Variants in A2ML1 observed in about 807,000 individuals in gnomAD.
A2ML1 encodes alpha-2-macroglobulin-like protein 1.
A2ML1 carries 161 observed loss-of-function variants against 181.9 expected under a neutral mutation model. The ratio of observed to expected loss-of-function variants is 0.89; its 90% CI spans 0.78 to 1.01. The LOEUF (loss-of-function observed/expected upper bound fraction) is 1.01, where lower values mean the gene tolerates loss of function less well. Among genes scored for constraint, A2ML1 ranks in the 50% least tolerant of loss-of-function variants. The pLI, the probability that A2ML1 is intolerant of heterozygous loss-of-function variation, is 0.00. For missense variants in A2ML1, 1,670 were observed against 1,768.1 expected (o/e 0.94, Z 1.00); for synonymous variants, 663 against 666.8 (o/e 0.99, Z 0.09).
At chr12:8,859,794 G>A (rs981699453) in intron 26 of A2ML1, among the ~76,000 whole-genome samples, 1 of 151,968 alleles carries the variant, frequency 6.6e-6, no homozygotes, top group Admixed American at 6.6e-5. Flanking sequence ...TTGAACTCCT[G>A]GCCTCAAGTG....
In A2ML1 at chr12:8,869,117, T is replaced by TC. The variant is rs1565493947; in HGVS notation, c.4153-17dup. The TC allele has an allele frequency of 6.2e-7, 1 of 1,613,834 alleles. No homozygotes were observed. Among genetic ancestry groups the TC allele is most frequent in the Non-Finnish European group, 8.5e-7 (1 of 1,179,808 alleles). Reference sequence around the variant, plus strand: ...GCTCTGGCTCTTAGTATCTTTTTTTTCTCCCTCTCTTATTCAGCTTCTCCA... The same window carrying TC: ...GCTCTGGCTCTTAGTATCTTTTTTTTCCTCCCTCTCTTATTCAGCTTCTCCA... On this transcript the variant is annotated splice_polypyrimidine_tract_variant and intron_variant, in intron 32 of 35. Coordinates refer to ENST00000299698, the MANE Select transcript of A2ML1 (RefSeq NM_144670.6).
rs768247047 is a variant in A2ML1, at chr12:8,841,104, G to A, written c.1081-265G>A. ...GCCTGTGCATATGAAGAGCCCTGAAGCTTCATTAGCCACCGGGCAAATCTA... is the reference window on the plus strand; with the variant it reads ...GCCTGTGCATATGAAGAGCCCTGAAACTTCATTAGCCACCGGGCAAATCTA... On this transcript the variant is annotated intron_variant, in intron 10 of 35. Transcript: ENST00000299698. 8.5e-5 allele frequency among the ~76,000 whole-genome samples: 13 copies of A among 152,272 alleles called. No homozygotes were observed. The East Asian group carries it at 2.3e-3, about 27-fold the overall frequency.
rs200503146 is a variant in A2ML1, at chr12:8,867,849, T to C, written c.3725T>C (p.Val1242Ala). The change falls in exon 30 of 36, where the codon GTA (valine) becomes GCA (alanine). Residue 1242 changes from valine to alanine, a missense_variant. Transcript: ENST00000299698. ...TTTGGTTGTTTCCCTCAGGATACTGTAGTTGCTCTCCAAGCTCTTGCCAAA... is the reference window on the plus strand; with the variant it reads ...TTTGGTTGTTTCCCTCAGGATACTGCAGTTGCTCTCCAAGCTCTTGCCAAA... Reference protein sequence around the residue: ...YGGFSSTQDTVVALQALAKYA... With the variant: ...YGGFSSTQDTAVALQALAKYA... The C allele has an allele frequency of 1.9e-6, 3 of 1,614,000 alleles. No individual in the cohort carries two copies. The Admixed American group carries it at 5.0e-5, about 27-fold the overall frequency.
At chr12:8,832,684 G>A (rs1345695876) in intron 4 of A2ML1, among the ~76,000 whole-genome samples, 1 of 152,178 alleles carries the variant, frequency 6.6e-6, no homozygotes, top group Non-Finnish European at 1.5e-5. Context: ...AGGAAGATGG[G>A]AAAAGGCTGT....
intron 7 of A2ML1, among the ~76,000 whole-genome samples, chr12:8,885,102 T>C (rs897775992): frequency 1.2e-4 from 18 of 152,242 alleles, no homozygotes; most frequent in South Asian, 6.2e-4. Flanking sequence ...TTGTGAGATT[T>C]TCAGACTTGC....
Position 8,845,172 on chromosome 12 carries a change from A to G in A2ML1, c.1477-270A>G, listed in dbSNP as rs751196799. On this transcript the variant is annotated intron_variant, in intron 12 of 35. Coordinates refer to ENST00000299698, the MANE Select transcript of A2ML1 (RefSeq NM_144670.6). ...TTCAAGAAATGGCAGACAGTTATCT[A>G]TGGTGAGGAACAATTTCTATGCTGT... 4 of 1,525,198 alleles carry G rather than the reference A, an allele frequency of 2.6e-6. No individual in the cohort carries two copies. The South Asian group carries it at 3.7e-5, about 14-fold the overall frequency. The allele number at this position is 1,525,198 out of a possible 1,614,324, so 94.5% of individuals were successfully genotyped here. A position where few individuals can be genotyped will look rare whatever the true frequency, so the allele number is the denominator to read the frequency against.
chr12:8,838,254 C>T, intron 8 of A2ML1, 82 bp from the exon 9 acceptor site: 2 of 930,718 alleles, frequency 2.1e-6, no homozygotes, highest in East Asian at 2.6e-5. Context: ...GAAATTATTT[C>T]CTTCTACAGA....
chr12:8,826,062 G>A (rs1942919291), intron 3 of A2ML1, among the ~76,000 whole-genome samples: 1 of 152,038 alleles, frequency 6.6e-6, no homozygotes, highest in South Asian at 2.1e-4. Context: ...GAATAGATTT[G>A]GTTATTTTAG....
intron 1 of A2ML1, 81 bp downstream of exon 1, chr12:8,822,794 G>A (rs1289044731): frequency 7.5e-7 from 1 of 1,339,242 alleles, no homozygotes; most frequent in Non-Finnish European, 1.1e-6. Context: ...ATGGAGATGG[G>A]GAGATCAACT....
At chr12:8,875,081 G>A (rs957829347) in intron 35 of A2ML1, 69 bp downstream of exon 35, 61 of 1,510,368 alleles carry the variant, frequency 4.0e-5, no homozygotes, top group African/African-American at 2.5e-4. Context: ...GCCTCTTTTC[G>A]AGTTACTGTC....
rs759313187 is a variant in A2ML1 at position 8,860,099 on chromosome 12, G to A, written c.3265-782G>A. ...TCTGTCACCCAGGCTGAAGTGCAGT[G>A]GCACGATCATGGCTCACTGCAGCCT... On this transcript the variant is annotated intron_variant, in intron 26 of 35. Coordinates refer to ENST00000299698, the MANE Select transcript of A2ML1 (RefSeq NM_144670.6). Among the ~76,000 whole-genome samples, 59 of 152,174 alleles carry A rather than the reference G, an allele frequency of 3.9e-4. 2 individuals are homozygous for A. In the South Asian group the frequency reaches 5.0e-3, roughly 13 times the overall value.
chr12:8,875,360 G>A (rs750719140), intron 35 of A2ML1: 1 of 198,640 alleles, frequency 5.0e-6, no homozygotes, highest in East Asian at 1.3e-4. Flanking sequence ...TTACAAGCAT[G>A]AGCCACCACA....
chr12:8,873,197 C>T, intron 33 of A2ML1, among the ~76,000 whole-genome samples: 1 of 151,884 alleles, frequency 6.6e-6, no homozygotes, highest in East Asian at 1.9e-4. Context: ...TTGGAAATCC[C>T]TTCCAATTAG....
intron 26 of A2ML1, 132 bp downstream of exon 26, chr12:8,858,234 C>A: frequency 8.8e-7 from 1 of 1,131,538 alleles, no homozygotes; most frequent in Non-Finnish European, 1.2e-6. Context: ...TCTGGGTGAC[C>A]GTGATCAAAA....
intron 4 of A2ML1, 66 bp from the exon 5 acceptor site, chr12:8,834,596 T>TTCAGCAAACTTATTCTTATTGCTG: frequency 6.3e-7 from 1 of 1,575,550 alleles, no homozygotes; most frequent in Non-Finnish European, 8.7e-7. Context: ...AACTTTTGCT[T>TTCAGCAAACTTATTCTTATTGCTG]TCAGCAAACT....
chr12:8,844,972 T>G, intron 12 of A2ML1: 2 of 1,338,154 alleles, frequency 1.5e-6, no homozygotes, highest in Admixed American at 3.6e-5. Context: ...GAAGGGGGAG[T>G]TAGAAGAGGA....
rs190448715 is a variant in A2ML1 at position 8,867,309 on chromosome 12, T to C, written c.3718-533T>C. On this transcript the variant is annotated intron_variant, in intron 29 of 35. Coordinates refer to ENST00000299698, the MANE Select transcript of A2ML1 (RefSeq NM_144670.6). Reference sequence around the variant, plus strand: ...TGAATTGATTAGGTTAACCAAGTAATCTGTGGATGTTCAGTAGTACCTTGT... The same window carrying C: ...TGAATTGATTAGGTTAACCAAGTAACCTGTGGATGTTCAGTAGTACCTTGT... 1.4e-4 allele frequency among the ~76,000 whole-genome samples: 21 copies of C among 152,362 alleles called. No homozygotes were observed. In the East Asian group the frequency reaches 3.5e-3, roughly 25 times the overall value.
Position 8,838,447 on chromosome 12 carries a change from A to T in A2ML1, c.967A>T (p.Thr323Ser), listed in dbSNP as rs61745855. 1.9e-5 allele frequency: 31 copies of T among 1,612,906 alleles called. No homozygotes were observed. In the African/African-American group the frequency reaches 3.9e-4, roughly 20 times the overall value. The change falls in exon 9 of 36, where the codon ACA becomes TCA. Residue 323 changes from threonine to serine, a missense_variant. Transcript: ENST00000299698. ...NIVATVVEEG[T>S]GVEANATQNI... ...TGTGGCTACTGTTGTGGAGGAAGGG[A>T]CAGGTAAGTAGGGTGCTCCTTGGCT...
At chr12:8,885,919 T>A (rs1454544377) in intron 7 of A2ML1, among the ~76,000 whole-genome samples, 2 of 152,096 alleles carry the variant, frequency 1.3e-5, no homozygotes, top group Non-Finnish European at 2.9e-5. Context: ...CATGTTGCTT[T>A]TATCATAAAT....
Sources: allele counts gnomAD v4.1 joint callset (sites outside exome capture counted in the v4.1 genomes callset), GRCh38; gene constraint gnomAD v4.1.1; transcripts MANE v1.5; gene names NCBI Gene and HGNC (gene_info 2026-07-23, HGNC 2026-07-21).